Variants in NUAK1 observed in about 807,000 individuals in gnomAD.
NUAK1 encodes the protein NUAK family SNF1-like kinase 1.
A neutral mutation model predicts 56.9 loss-of-function variants in NUAK1; 26 were observed. The observed-to-expected ratio is 0.46, with a 90% CI of 0.33 to 0.63. The LOEUF (loss-of-function observed/expected upper bound fraction) is 0.63, where lower values mean the gene tolerates loss of function less well. Among genes scored for constraint, NUAK1 ranks in the 30% least tolerant of loss-of-function variants. The pLI is 0.02. For synonymous variants in NUAK1, 337 were observed against 336.0 expected (o/e 1.00, Z -0.03); for missense variants, 727 against 876.1 (o/e 0.83, Z 2.15).
chr12:106,097,040 C>T (rs933600576), intron 2 of NUAK1, among the ~76,000 whole-genome samples: 1 of 152,206 alleles, frequency 6.6e-6, no homozygotes, highest in Non-Finnish European at 1.5e-5. Flanking sequence ...TCACTGATCC[C>T]TAGATATCAC....
At position 106,084,070 on chromosome 12, in the gene NUAK1, C is replaced by T. The variant is rs112899160; in HGVS notation, c.514-141G>A. On this transcript the variant is annotated intron_variant, in intron 3 of 6. Transcript: ENST00000261402. ...CCAGCCCGGTGGTCTTCACCTCCAT[C>T]CTTCAGGCTGCTCTCACTGTCTTGA... The T allele has an allele frequency of 6.7e-4, 463 of 692,884 alleles. 4 individuals are homozygous for T. In the Middle Eastern group the frequency reaches 7.1e-3, roughly 11 times the overall value. 42.9% of individuals were successfully genotyped at this position (692,884 alleles called of 1,614,324 possible).
At chr12:106,137,781 C>T (rs1211504783) in intron 1 of NUAK1, among the ~76,000 whole-genome samples, 1 of 152,226 alleles carries the variant, frequency 6.6e-6, no homozygotes, top group Non-Finnish European at 1.5e-5. Context: ...CTGGACATTT[C>T]GGTCCTCCCA....
intron 2 of NUAK1, among the ~76,000 whole-genome samples, chr12:106,099,866 T>C (rs1037612261): frequency 4.0e-5 from 6 of 151,384 alleles, no homozygotes; most frequent in East Asian, 2.0e-4. Context: ...ACTTGGCTCA[T>C]TGCAACCTCC....
rs540358149 is a variant in NUAK1, at chr12:106,114,534, T to C, written c.241-8009A>G. Among the ~76,000 whole-genome samples, 13 of 152,236 alleles carry C rather than the reference T, an allele frequency of 8.5e-5. 1 individual carries two copies. In the South Asian group the frequency reaches 2.5e-3, roughly 29 times the overall value. On this transcript the variant is annotated intron_variant, in intron 1 of 6. Coordinates refer to ENST00000261402, the MANE Select transcript of NUAK1 (RefSeq NM_014840.3). ...CCAAAATGAGGACTGTTATCATGAG[T>C]AGATGTTAGAGCTGTAAGGACTTAG...
intron 1 of NUAK1, among the ~76,000 whole-genome samples, chr12:106,137,875 G>A (rs950172476): frequency 6.6e-6 from 1 of 152,242 alleles, no homozygotes; most frequent in African/African-American, 2.4e-5. Flanking sequence ...AAACAGGCAA[G>A]AGTCGCCCTC....
intron 3 of NUAK1, among the ~76,000 whole-genome samples, chr12:106,084,194 G>C (rs933376032): frequency 2.6e-5 from 4 of 152,192 alleles, no homozygotes; most frequent in Non-Finnish European, 5.9e-5. Context: ...CCCAGAGCCT[G>C]TAAAACAGCA....
intron 4 of NUAK1, among the ~76,000 whole-genome samples, chr12:106,073,908 G>A (rs2032434493): frequency 6.6e-6 from 1 of 151,712 alleles, no homozygotes; most frequent in African/African-American, 2.4e-5. Context: ...TGTTTTCATT[G>A]TACTCCACAC....
intron 2 of NUAK1, among the ~76,000 whole-genome samples, chr12:106,100,058 C>T (rs2032732586): frequency 6.9e-6 from 1 of 144,662 alleles, no homozygotes; most frequent in Admixed American, 6.8e-5. Context: ...AAAAATACCT[C>T]ACTTGAGCTC....
chr12:106,073,978 T>A (rs1285378043), intron 4 of NUAK1, among the ~76,000 whole-genome samples: 1 of 152,214 alleles, frequency 6.6e-6, no homozygotes, highest in East Asian at 1.9e-4. Flanking sequence ...TTATCATTTA[T>A]GACAGCACTT....
intron 1 of NUAK1, among the ~76,000 whole-genome samples, chr12:106,113,646 G>A (rs970767646): frequency 6.7e-6 from 1 of 150,092 alleles, no homozygotes; most frequent in African/African-American, 2.5e-5. Flanking sequence ...CTATTGTTCT[G>A]TAGCTTAAAC....
intron 1 of NUAK1, among the ~76,000 whole-genome samples, chr12:106,136,075 T>C (rs1370484333): frequency 6.6e-6 from 1 of 152,130 alleles, no homozygotes; most frequent in African/African-American, 2.4e-5. Context: ...CAAACCTCAG[T>C]TTTCCCATCT....
chr12:106,107,248 G>A (rs2032812174), intron 1 of NUAK1, among the ~76,000 whole-genome samples: 2 of 152,020 alleles, frequency 1.3e-5, no homozygotes, highest in Non-Finnish European at 2.9e-5. Context: ...AGACCTGCCA[G>A]GGCCAACACA....
intron 2 of NUAK1, among the ~76,000 whole-genome samples, chr12:106,088,598 C>G (rs1310946900): frequency 6.6e-6 from 1 of 152,188 alleles, no homozygotes; most frequent in East Asian, 1.9e-4. Flanking sequence ...CTCTCTGGGC[C>G]TCAGTTTAGT....
chr12:106,136,161 T>A (rs1173698260), intron 1 of NUAK1, among the ~76,000 whole-genome samples: 1 of 152,164 alleles, frequency 6.6e-6, no homozygotes, highest in Non-Finnish European at 1.5e-5. Flanking sequence ...AGCAGCCCCA[T>A]GAATAAACGA....
In NUAK1 at chr12:106,120,155, T is replaced by G. The variant is rs149746645; in HGVS notation, c.241-13630A>C. ...ACACCGGTCCACACAATGAGCCAAC[T>G]ACCCACCCTCATCTCAGCCAAGTCT... On this transcript the variant is annotated intron_variant, in intron 1 of 6. Coordinates refer to ENST00000261402, the MANE Select transcript of NUAK1 (RefSeq NM_014840.3). Among the ~76,000 whole-genome samples the G allele has an allele frequency of 9.8e-3, 1,491 of 152,246 alleles. 18 individuals carry two copies. The highest frequency in any genetic ancestry group is 0.014 in the Non-Finnish European group (965 of 67,998).
At chr12:106,100,591 T>G (rs190991955) in intron 2 of NUAK1, among the ~76,000 whole-genome samples, 1 of 152,378 alleles carries the variant, frequency 6.6e-6, no homozygotes, top group Admixed American at 6.5e-5. Context: ...GACAGGAGCT[T>G]GCTTTGTTGG....
At chr12:106,085,894 G>A (rs1227914848) in intron 3 of NUAK1, among the ~76,000 whole-genome samples, 1 of 151,976 alleles carries the variant, frequency 6.6e-6, no homozygotes, top group African/African-American at 2.4e-5. Flanking sequence ...AAATTTTAAA[G>A]ATGGATCTTG....
chr12:106,092,156 A>G (rs2032641601), intron 2 of NUAK1, among the ~76,000 whole-genome samples: 1 of 152,202 alleles, frequency 6.6e-6, no homozygotes, highest in Non-Finnish European at 1.5e-5. Context: ...CCCCAAAGAT[A>G]CAGATACACC....
At chr12:106,133,001 GGAT>G (rs2033094418) in intron 1 of NUAK1, among the ~76,000 whole-genome samples, 1 of 152,126 alleles carries the variant, frequency 6.6e-6, no homozygotes, top group Admixed American at 6.5e-5. Context: ...CTAGAAAATG[GGAT>G]GATAGCAGAA....
Sources: gnomAD v4.1 joint callset for allele counts (sites outside exome capture counted in the v4.1 genomes callset) on GRCh38, gnomAD v4.1.1 for gene constraint, MANE v1.5 for transcripts, NCBI Gene and HGNC (gene_info 2026-07-23, HGNC 2026-07-21) for gene names.